The following TCF4 variants were observed in gnomAD, a reference collection of about 807,000 sequenced individuals.
TCF4 encodes transcription factor 4.
TCF4 carries 3 observed loss-of-function variants against 82.1 expected under a neutral mutation model. That is an observed-to-expected ratio of 0.04 (90% CI 0.02 to 0.09). TCF4 has a LOEUF of 0.09. Ranked by LOEUF, TCF4 falls within the 10% of genes least tolerant of loss-of-function variation. TCF4 has a pLI of 1.00. For missense variants in TCF4, 518 were observed against 852.7 expected (o/e 0.61, Z 4.89); for synonymous variants, 276 against 309.6 (o/e 0.89, Z 1.14).
intron 2 of TCF4, among the ~76,000 whole-genome samples, chr18:55,617,811 CTGTGTGTGTG>C (rs74182107): frequency 0.048 from 6,682 of 140,662 alleles, 188 homozygotes; most frequent in Non-Finnish European, 0.075. Flanking sequence ...TTAATTCTAA[CTGTGTGTGTG>C]TGTGTGTGTG....
chr18:55,226,126 G>A lies in TCF4; in HGVS notation c.*1909C>T, dbSNP rs890267412. 1 of 152,376 alleles carries A rather than the reference G, an allele frequency of 6.6e-6. No individual in the cohort carries two copies. Among genetic ancestry groups the A allele is most frequent in the African/African-American group, 2.4e-5 (1 of 41,380 alleles). The allele number at this position is 152,376 out of a possible 1,614,324, so 9.4% of individuals were successfully genotyped here. The stretch of plus-strand genomic sequence containing the variant: ...ATACACAATTTCAAAATAATGATAC[G>A]TTTGCCATTTGTTGCATAAAATTTA... On this transcript the variant is annotated 3_prime_UTR_variant, in exon 20 of 20. Coordinates refer to ENST00000354452, the MANE Select transcript of TCF4 (RefSeq NM_001083962.2).
chr18:55,399,878 TCTCACACACACACACA>T (rs2093711099), intron 6 of TCF4, among the ~76,000 whole-genome samples: 1 of 77,068 alleles, frequency 1.3e-5, no homozygotes, highest in East Asian at 6.4e-4. Context: ...TCTCTCTCTC[TCTCACACACACACACA>T]CACACACACA....
intron 5 of TCF4, among the ~76,000 whole-genome samples, chr18:55,434,896 G>A (rs530191532): frequency 1.3e-5 from 2 of 151,586 alleles, no homozygotes; most frequent in Admixed American, 1.3e-4. Flanking sequence ...GGTAAATGGA[G>A]TACCCATCAA....
At chr18:55,489,105 C>T (rs1412261224) in intron 3 of TCF4, among the ~76,000 whole-genome samples, 1 of 152,212 alleles carries the variant, frequency 6.6e-6, no homozygotes, top group African/African-American at 2.4e-5. Flanking sequence ...AGTTACAAAA[C>T]ACATCCAGCA....
At chr18:55,620,800 CTTT>C (rs35186442) in intron 2 of TCF4, among the ~76,000 whole-genome samples, 1 of 143,750 alleles carries the variant, frequency 7.0e-6, no homozygotes, top group African/African-American at 2.6e-5. Context: ...TTGTCCAGTT[CTTT>C]TTTTTTTTTT....
At chr18:55,418,062 T>C (rs567880713) in intron 5 of TCF4, among the ~76,000 whole-genome samples, 3 of 151,362 alleles carry the variant, frequency 2.0e-5, no homozygotes, top group Admixed American at 6.6e-5. Context: ...TGTGTAGTAA[T>C]AGGTAGATTC....
chr18:55,577,291 T>A (rs1209531422), intron 3 of TCF4, among the ~76,000 whole-genome samples: 3 of 148,842 alleles, frequency 2.0e-5, no homozygotes, highest in Admixed American at 6.8e-5. Context: ...TATATATATA[T>A]GATGATCCAT....
At chr18:55,228,815 C>G in intron 18 of TCF4, 32 bp downstream of exon 18, 1 of 1,611,576 alleles carries the variant, frequency 6.2e-7, no homozygotes. Context: ...AAGCTCCTCA[C>G]GAGCTCTGCA....
At chr18:55,534,043 G>C (rs79885672) in intron 3 of TCF4, among the ~76,000 whole-genome samples, 2 of 152,136 alleles carry the variant, frequency 1.3e-5, no homozygotes, top group East Asian at 1.9e-4. Context: ...TGAGAACCAA[G>C]TTTCAACATG....
intron 2 of TCF4, among the ~76,000 whole-genome samples, chr18:55,601,797 A>T (rs2097697319): frequency 6.6e-6 from 1 of 152,108 alleles, no homozygotes; most frequent in Non-Finnish European, 1.5e-5. Flanking sequence ...AAAAGAAAAA[A>T]AGAAGGTCGG....
chr18:55,587,748 C>G (rs2097664854), intron 1 of TCF4, among the ~76,000 whole-genome samples: 1 of 151,132 alleles, frequency 6.6e-6, no homozygotes, highest in African/African-American at 2.4e-5. Flanking sequence ...GGGTCGGGTC[C>G]TCTAATTGTC....
chr18:55,370,410 GTAGA>G (rs1033322650), intron 6 of TCF4, among the ~76,000 whole-genome samples: 1 of 150,784 alleles, frequency 6.6e-6, no homozygotes, highest in East Asian at 2.0e-4. Flanking sequence ...AGGTAGGTAT[GTAGA>G]TAGATAGACA....
intron 5 of TCF4, among the ~76,000 whole-genome samples, chr18:55,437,261 C>T (rs912699878): frequency 2.0e-5 from 3 of 152,288 alleles, no homozygotes; most frequent in Middle Eastern, 3.4e-3. Context: ...CTACCACATA[C>T]GTATGATGTT....
chr18:55,350,032 G>T (rs928971875), intron 8 of TCF4, among the ~76,000 whole-genome samples: 1 of 152,102 alleles, frequency 6.6e-6, no homozygotes, highest in Non-Finnish European at 1.5e-5. Context: ...TACTGACAAA[G>T]AATTTAACCA....
chr18:55,444,277 A>G (rs773801002), intron 5 of TCF4, among the ~76,000 whole-genome samples: 6 of 152,218 alleles, frequency 3.9e-5, no homozygotes, highest in African/African-American at 7.2e-5. Context: ...TTAAAATATG[A>G]ATGTATACAT....
chr18:55,531,357 T>C (rs1047424665), intron 3 of TCF4, among the ~76,000 whole-genome samples: 17 of 152,184 alleles, frequency 1.1e-4, no homozygotes, highest in Non-Finnish European at 2.2e-4. Context: ...TTAATCTTTA[T>C]ATTCCCAGTG....
At chr18:55,621,960 A>G (rs1302095257) in intron 2 of TCF4, among the ~76,000 whole-genome samples, 1 of 126,514 alleles carries the variant, frequency 7.9e-6, no homozygotes, top group Non-Finnish European at 1.6e-5. Flanking sequence ...TATTATATAT[A>G]CACTATATAT....
chr18:55,419,918 T>C (rs2094668583), intron 5 of TCF4, among the ~76,000 whole-genome samples: 1 of 152,202 alleles, frequency 6.6e-6, no homozygotes, highest in Admixed American at 6.5e-5. Context: ...TCTGGGTGTC[T>C]TAGTGGAACC....
At chr18:55,588,591 C>T (rs141229144), upstream of TCF4, 126 of 1,516,314 alleles carry the variant, frequency 8.3e-5, no homozygotes, top group East Asian at 3.1e-3. Flanking sequence ...TTCTTTCTTT[C>T]TCTTACTCTC....
Sources: allele counts gnomAD v4.1 joint callset (sites outside exome capture counted in the v4.1 genomes callset), GRCh38; gene constraint gnomAD v4.1.1; transcripts MANE v1.5; gene names NCBI Gene and HGNC (gene_info 2026-07-23, HGNC 2026-07-21).